The following FMNL2 variants were observed in gnomAD, a reference collection of about 807,000 sequenced individuals.
FMNL2 encodes formin like 2.
In FMNL2, 51 loss-of-function variants were observed where a neutral mutation model predicts 130.2. The ratio of observed to expected loss-of-function variants is 0.39; its 90% CI spans 0.31 to 0.49. The LOEUF is 0.49. Among genes scored for constraint, FMNL2 ranks in the 20% least tolerant of loss-of-function variants. FMNL2 has a pLI of 0.85. For synonymous variants in FMNL2, 465 were observed against 467.1 expected (o/e 1.00, Z 0.06); for missense variants, 977 against 1,316.2 (o/e 0.74, Z 3.99).
At chr2:152,432,722 C>T (rs1055137451) in intron 1 of FMNL2, among the ~76,000 whole-genome samples, 4 of 152,132 alleles carry the variant, frequency 2.6e-5, no homozygotes, top group African/African-American at 4.8e-5. Flanking sequence ...CATAGGGGGC[C>T]GTTAATTAAA....
chr2:152,612,832 C>A (rs1003180923), intron 11 of FMNL2, among the ~76,000 whole-genome samples: 1 of 151,850 alleles, frequency 6.6e-6, no homozygotes, highest in African/African-American at 2.4e-5. Flanking sequence ...TAGTCTCATA[C>A]TCCTGCCTCA....
At chr2:152,509,763 T>TTTTTTTA (rs1198654296) in intron 1 of FMNL2, among the ~76,000 whole-genome samples, 6 of 144,654 alleles carry the variant, frequency 4.1e-5, no homozygotes, top group Non-Finnish European at 4.5e-5. Flanking sequence ...TTTTTTTTTT[T>TTTTTTTA]GAGAGAGGGT....
chr2:152,620,889 C>T (rs1699216051), intron 15 of FMNL2: 2 of 968,922 alleles, frequency 2.1e-6, no homozygotes, highest in Non-Finnish European at 2.5e-6. Context: ...TTCCAGTTCA[C>T]AGTAAGGTCC....
At chr2:152,480,375 A>G (rs1355100333) in intron 1 of FMNL2, among the ~76,000 whole-genome samples, 1 of 152,182 alleles carries the variant, frequency 6.6e-6, no homozygotes, top group Non-Finnish European at 1.5e-5. Flanking sequence ...TCACGCCTGT[A>G]ATCCCAGCAC....
chr2:152,556,559 T>G (rs929645697), intron 4 of FMNL2, among the ~76,000 whole-genome samples: 24 of 152,224 alleles, frequency 1.6e-4, no homozygotes, highest in African/African-American at 5.1e-4. Flanking sequence ...AACGTATGCA[T>G]ATTAGCATGT....
intron 1 of FMNL2, 75 bp downstream of exon 1, chr2:152,335,795 C>T: frequency 1.8e-6 from 2 of 1,087,718 alleles, no homozygotes; most frequent in South Asian, 3.6e-5. Context: ...CCCGCCCCTC[C>T]CCTTCACCCC....
chr2:152,412,799 C>A (rs993963742), intron 1 of FMNL2, among the ~76,000 whole-genome samples: 13 of 151,400 alleles, frequency 8.6e-5, no homozygotes, highest in African/African-American at 2.2e-4. Flanking sequence ...ACAGTGAGAC[C>A]CTGTCTCAAA....
At chr2:152,500,507 A>T (rs1330220865) in intron 1 of FMNL2, among the ~76,000 whole-genome samples, 2 of 152,172 alleles carry the variant, frequency 1.3e-5, no homozygotes, top group Non-Finnish European at 2.9e-5. Context: ...AACCGCAGCA[A>T]ATAGATCCCC....
intron 1 of FMNL2, among the ~76,000 whole-genome samples, chr2:152,376,807 T>G (rs563959127): frequency 6.6e-6 from 1 of 152,322 alleles, no homozygotes; most frequent in East Asian, 1.9e-4. Context: ...TGTCATTGCT[T>G]TCTTGGGAAT....
intron 13 of FMNL2, 72 bp from the exon 14 acceptor site, chr2:152,618,774 G>T: frequency 7.4e-7 from 1 of 1,352,714 alleles, no homozygotes; most frequent in Non-Finnish European, 1.0e-6. Flanking sequence ...TTTATCCTCA[G>T]TTTGCCAATC....
At chr2:152,445,412 A>G (rs936702297) in intron 1 of FMNL2, among the ~76,000 whole-genome samples, 4 of 152,234 alleles carry the variant, frequency 2.6e-5, no homozygotes, top group African/African-American at 4.8e-5. Context: ...GTCCTAGACC[A>G]CTATTGTCCA....
chr2:152,347,585 T>TA, intron 1 of FMNL2, among the ~76,000 whole-genome samples: 1 of 152,320 alleles, frequency 6.6e-6, no homozygotes, highest in Middle Eastern at 3.4e-3. Flanking sequence ...TGGGCATTAA[T>TA]ACTTGGAATT....
intron 1 of FMNL2, among the ~76,000 whole-genome samples, chr2:152,429,893 C>T (rs1361782396): frequency 6.6e-6 from 1 of 152,090 alleles, no homozygotes; most frequent in South Asian, 2.1e-4. Context: ...TTATTCAGCT[C>T]AACAATTCTG....
intron 25 of FMNL2, chr2:152,643,496 G>A (rs1485907073): frequency 1.3e-6 from 2 of 1,536,068 alleles, no homozygotes; most frequent in East Asian, 2.4e-5. Context: ...TCTCACTGAG[G>A]AATACCATTA....
At chr2:152,490,765 C>T (rs1691134684) in intron 1 of FMNL2, among the ~76,000 whole-genome samples, 1 of 149,872 alleles carries the variant, frequency 6.7e-6, no homozygotes, top group Admixed American at 6.7e-5. Context: ...AATTATCAGA[C>T]TCCAAGCAAG....
chr2:152,592,351 T>G (rs1432346866), intron 9 of FMNL2, among the ~76,000 whole-genome samples: 1 of 152,192 alleles, frequency 6.6e-6, no homozygotes, highest in African/African-American at 2.4e-5. Flanking sequence ...ACTCTCTATG[T>G]GAGTCAAGTT....
At chr2:152,471,485 G>A (rs560427457) in intron 1 of FMNL2, among the ~76,000 whole-genome samples, 1 of 152,222 alleles carries the variant, frequency 6.6e-6, no homozygotes, top group Non-Finnish European at 1.5e-5. Flanking sequence ...CTTGACTGCA[G>A]GGTGCCTTAA....
intron 1 of FMNL2, among the ~76,000 whole-genome samples, chr2:152,521,478 C>CTT (rs570777199): frequency 6.7e-6 from 1 of 149,822 alleles, no homozygotes; most frequent in African/African-American, 2.5e-5. Flanking sequence ...GCATTGTTGT[C>CTT]TTTTTTTTTT....
At chr2:152,597,977 CTGT>C (rs1321716460) in intron 9 of FMNL2, among the ~76,000 whole-genome samples, 1 of 152,174 alleles carries the variant, frequency 6.6e-6, no homozygotes, top group Admixed American at 6.5e-5. Flanking sequence ...AGGCATTTGC[CTGT>C]TGTTGGCCTG....
Sources: gnomAD v4.1 joint callset for allele counts (sites outside exome capture counted in the v4.1 genomes callset) on GRCh38, gnomAD v4.1.1 for gene constraint, MANE v1.5 for transcripts, NCBI Gene and HGNC (gene_info 2026-07-23, HGNC 2026-07-21) for gene names.